VPS13B: variants seen among roughly 807,000 people sequenced by gnomAD.
VPS13B encodes the protein vacuolar protein sorting 13 homolog B, also known as intermembrane lipid transfer protein VPS13B.
A neutral mutation model predicts 426.4 loss-of-function variants in VPS13B; 285 were observed. The ratio of observed to expected loss-of-function variants is 0.67; its 90% CI spans 0.61 to 0.74. The LOEUF (loss-of-function observed/expected upper bound fraction) is 0.74. Ranked by LOEUF, VPS13B falls within the 30% of genes least tolerant of loss-of-function variation. The pLI is 0.00. For synonymous variants in VPS13B, 1,676 were observed against 1,676.4 expected (o/e 1.00, Z 0.01); for missense variants, 4,537 against 4,782.6 (o/e 0.95, Z 1.51).
At chr8:99,321,569 A>C (rs1452753237) in intron 19 of VPS13B, among the ~76,000 whole-genome samples, 1 of 152,188 alleles carries the variant, frequency 6.6e-6, no homozygotes, top group Non-Finnish European at 1.5e-5. Context: ...GATAAGGGAC[A>C]TGATATTTTT....
chr8:99,810,799 T>A (rs1372431531), intron 44 of VPS13B, among the ~76,000 whole-genome samples: 1 of 152,172 alleles, frequency 6.6e-6, no homozygotes, highest in East Asian at 1.9e-4. Flanking sequence ...TGAGAAGATA[T>A]GACTTGAGCT....
rs1021347060 is a variant in VPS13B, at chr8:99,501,584, G to C, written c.3871-103G>C. The C allele has an allele frequency of 7.5e-5, 92 of 1,230,474 alleles. 2 individuals carry two copies. The Admixed American group carries it at 1.9e-3, about 25-fold the overall frequency. The allele number at this position is 1,230,474 out of a possible 1,614,324, so 76.2% of individuals were successfully genotyped here. A position where few individuals can be genotyped will look rare whatever the true frequency, so the allele number is the denominator to read the frequency against. The stretch of plus-strand genomic sequence containing the variant: ...TGATTATCATTTGCATGTAAGATGT[G>C]AAAAAGTTACAAATAATAATTTCTG... On this transcript the variant is annotated intron_variant, in intron 25 of 61. Coordinates refer to ENST00000357162, the MANE Select transcript of VPS13B (RefSeq NM_152564.5).
At chr8:99,765,768 C>T (rs1811185797) in intron 39 of VPS13B, among the ~76,000 whole-genome samples, 2 of 152,172 alleles carry the variant, frequency 1.3e-5, no homozygotes, top group African/African-American at 4.8e-5. Context: ...ATGAATATTC[C>T]TTCACCTGTC....
chr8:99,256,073 T>C (rs982988694), intron 17 of VPS13B, among the ~76,000 whole-genome samples: 10 of 152,248 alleles, frequency 6.6e-5, no homozygotes, highest in Middle Eastern at 3.4e-3. Context: ...TTTTCTGTTT[T>C]GCTAGGATAC....
intron 16 of VPS13B, among the ~76,000 whole-genome samples, chr8:99,176,604 C>T (rs1812645057): frequency 6.6e-6 from 1 of 152,122 alleles, no homozygotes; most frequent in Admixed American, 6.5e-5. Flanking sequence ...AAGATAAATT[C>T]AGCATAAGGA....
chr8:99,488,622 C>G (rs1039484361), intron 25 of VPS13B, among the ~76,000 whole-genome samples: 8 of 152,114 alleles, frequency 5.3e-5, no homozygotes, highest in African/African-American at 1.9e-4. Flanking sequence ...TTTAGACCAG[C>G]ATTTTTATTT....
At chr8:99,848,995 G>A in intron 55 of VPS13B, 101 bp downstream of exon 55, 1 of 1,136,116 alleles carries the variant, frequency 8.8e-7, no homozygotes, top group Non-Finnish European at 1.3e-6. Context: ...ATGTATTAAA[G>A]CTTTTGGTTA....
chr8:99,474,387 C>G (rs2133534286), intron 24 of VPS13B, among the ~76,000 whole-genome samples: 1 of 151,824 alleles, frequency 6.6e-6, no homozygotes, highest in South Asian at 2.1e-4. Flanking sequence ...AGGGTTTCAC[C>G]TGTTGACCAG....
chr8:99,080,079 CATT>C (rs1259815821), intron 3 of VPS13B, among the ~76,000 whole-genome samples: 1 of 150,512 alleles, frequency 6.6e-6, no homozygotes, highest in African/African-American at 2.4e-5. Context: ...TTATATATAA[CATT>C]AATGTTTCTT....
At chr8:99,021,700 C>T (rs1431731553) in intron 2 of VPS13B, among the ~76,000 whole-genome samples, 1 of 152,096 alleles carries the variant, frequency 6.6e-6, no homozygotes, top group African/African-American at 2.4e-5. Flanking sequence ...TCATAGCTCA[C>T]TGCAGTCTTG....
intron 17 of VPS13B, among the ~76,000 whole-genome samples, chr8:99,251,299 G>A (rs1204183574): frequency 6.6e-6 from 1 of 152,064 alleles, no homozygotes; most frequent in Non-Finnish European, 1.5e-5. Context: ...AGGTGTTTTT[G>A]TAGATGATCT....
intron 19 of VPS13B, among the ~76,000 whole-genome samples, chr8:99,285,282 T>A (rs1285016268): frequency 6.6e-6 from 1 of 152,200 alleles, no homozygotes; most frequent in African/African-American, 2.4e-5. Context: ...TTGCTTCCTT[T>A]GAAAGGTCCC....
At chr8:99,166,536 A>G (rs953896123) in intron 15 of VPS13B, among the ~76,000 whole-genome samples, 2 of 152,224 alleles carry the variant, frequency 1.3e-5, no homozygotes, top group African/African-American at 2.4e-5. Context: ...GAAGTGAAAG[A>G]CTTTTGCAAT....
chr8:99,841,686 C>G (rs1016613344), intron 54 of VPS13B, among the ~76,000 whole-genome samples: 1 of 152,148 alleles, frequency 6.6e-6, no homozygotes, highest in African/African-American at 2.4e-5. Context: ...CAGTGTCTTC[C>G]TTTCTCTCTG....
At chr8:99,256,197 G>T (rs1817735485) in intron 17 of VPS13B, among the ~76,000 whole-genome samples, 3 of 152,136 alleles carry the variant, frequency 2.0e-5, no homozygotes, top group Admixed American at 2.0e-4. Flanking sequence ...CAAAACCCGT[G>T]ATCCTTACTA....
At chr8:99,772,615 AT>A (rs1360360671) in intron 40 of VPS13B, among the ~76,000 whole-genome samples, 1 of 152,174 alleles carries the variant, frequency 6.6e-6, no homozygotes, top group African/African-American at 2.4e-5. Context: ...AAAATGATAA[AT>A]TTTATGCTAT....
rs545826524 is a variant in VPS13B, at chr8:99,274,347, A to G, written c.2650+15A>G. 1.2e-5 allele frequency: 20 copies of G among 1,614,052 alleles called. No homozygotes were observed. The East Asian group carries it at 3.6e-4, about 29-fold the overall frequency. ...CAAAGCCCCAGGTATGTGCAGCTGG[A>G]CCGTGTAAAACTTTATTGCCTGTAT... On this transcript the variant is annotated intron_variant, in intron 18 of 61. Coordinates refer to ENST00000357162, the MANE Select transcript of VPS13B (RefSeq NM_152564.5).
rs2130918188 is a variant in VPS13B, at chr8:99,854,048, C to T, written c.10659C>T (p.Ala3553=). Residue 3553 remains alanine, a synonymous_variant, in exon 56 of 62, where the codon GCC becomes GCT. Transcript: ENST00000357162. ...TGCAGGTCACACAGCACGCCAGGGC[C>T]TTGGTGAATCCTGTGAAGTTACGGA... is the stretch of plus-strand genomic sequence containing the variant. ...LPMQVTQHAR[A]LVNPVKLRKL... The T allele has an allele frequency of 6.2e-7, 1 of 1,614,054 alleles. No homozygotes were observed. Among genetic ancestry groups the T allele is most frequent in the Non-Finnish European group, 8.5e-7 (1 of 1,179,962 alleles).
At chr8:99,719,483 A>G (rs1028944705) in intron 37 of VPS13B, among the ~76,000 whole-genome samples, 2 of 152,190 alleles carry the variant, frequency 1.3e-5, no homozygotes, top group African/African-American at 2.4e-5. Context: ...ACCTAAGGCT[A>G]GGGTTTAAAA....
Sources: allele counts gnomAD v4.1 joint callset (sites outside exome capture counted in the v4.1 genomes callset), GRCh38; gene constraint gnomAD v4.1.1; transcripts MANE v1.5; gene names NCBI Gene and HGNC (gene_info 2026-07-23, HGNC 2026-07-21).